Variants in IQGAP1 observed in about 807,000 individuals in gnomAD.
IQGAP1 encodes the protein IQ motif containing GTPase activating protein 1, also known as ras GTPase-activating-like protein IQGAP1.
IQGAP1 carries 66 observed loss-of-function variants against 215.6 expected under a neutral mutation model. That is an observed-to-expected ratio of 0.31 (90% CI 0.25 to 0.38). IQGAP1 has a LOEUF of 0.38. Among genes scored for constraint, IQGAP1 ranks in the 10% least tolerant of loss-of-function variants. IQGAP1 has a pLI of 1.00. For missense variants in IQGAP1, 1,712 were observed against 1,997.1 expected (o/e 0.86, Z 2.72); for synonymous variants, 772 against 728.7 (o/e 1.06, Z -0.96).
chr15:90,416,894 A>G (rs1408037796), intron 2 of IQGAP1, among the ~76,000 whole-genome samples: 1 of 152,002 alleles, frequency 6.6e-6, no homozygotes, highest in East Asian at 1.9e-4. Context: ...TAACTTTTTA[A>G]TGATCACTAT....
At position 90,491,390 on chromosome 15, in the gene IQGAP1, G is replaced by A; in HGVS notation, c.4306G>A (p.Asp1436Asn). Reference sequence around the variant, plus strand: ...TGCTATCCGTGATGCCAAAACACCTGACAAGATGAAAAAGTCAAAATCTGT... The same window carrying A: ...TGCTATCCGTGATGCCAAAACACCTAACAAGATGAAAAAGTCAAAATCTGT... ...RRAIRDAKTP[D>N]KMKKSKSVKE... The change falls in exon 34 of 38, where the codon GAC becomes AAC. Residue 1436 changes from aspartate to asparagine, a missense_variant. Transcript: ENST00000268182. 6.2e-7 allele frequency: 1 copy of A among 1,614,102 alleles called. No homozygotes were observed. Among genetic ancestry groups the A allele is most frequent in the Non-Finnish European group, 8.5e-7 (1 of 1,180,020 alleles).
rs552222380 is a variant in IQGAP1 at position 90,496,306 on chromosome 15, C to CTTTTTTTTTTTTTT, written c.4752-910_4752-897dup. Among the ~76,000 whole-genome samples, 23 of 106,114 alleles carry CTTTTTTTTTTTTTT rather than the reference C, an allele frequency of 2.2e-4. 1 individual carries two copies. Among genetic ancestry groups the CTTTTTTTTTTTTTT allele is most frequent in the African/African-American group, 8.0e-4 (18 of 22,584 alleles). The allele number at this position is 106,114 out of a possible 152,430, so 69.6% of individuals were successfully genotyped here. On this transcript the variant is annotated intron_variant, in intron 36 of 37. Transcript: ENST00000268182. ...GATCATCCAGAGAACAGCATAATCC[C>CTTTTTTTTTTTTTT]TTTTTTTTTTTTTTTTTTTTTTTTT...
In IQGAP1 at chr15:90,460,999, TAAA is replaced by T. The variant is rs36022965; in HGVS notation, c.1776+4706_1776+4708del. On this transcript the variant is annotated intron_variant, in intron 15 of 37. Coordinates refer to ENST00000268182, the MANE Select transcript of IQGAP1 (RefSeq NM_003870.4). ...GAGTGACAAAGCAAGACCCTGTCTT[TAAA>T]AAAAAAAAAAAAAAAAAAAAAGGGC... Among the ~76,000 whole-genome samples the T allele has an allele frequency of 8.7e-3, 768 of 88,716 alleles. 7 individuals carry two copies. Among genetic ancestry groups the T allele is most frequent in the African/African-American group, 0.031 (660 of 21,052 alleles). 58.2% of individuals were successfully genotyped at this position (88,716 alleles called of 152,430 possible). A position where few individuals can be genotyped will look rare whatever the true frequency, so the allele number is the denominator to read the frequency against.
chr15:90,453,038 C>T lies in IQGAP1; in HGVS notation c.1327-94C>T, dbSNP rs1320290217. On this transcript the variant is annotated intron_variant, in intron 12 of 37. Coordinates refer to ENST00000268182, the MANE Select transcript of IQGAP1 (RefSeq NM_003870.4). ...GTTAGGTAGAACTTTTTTGCATAAA[C>T]TTGGTTTTCTTACAGTTTTATTAAA... is the stretch of plus-strand genomic sequence containing the variant. The T allele has an allele frequency of 5.8e-6, 9 of 1,551,288 alleles. No individual in the cohort carries two copies. The African/African-American group carries it at 1.2e-4, about 21-fold the overall frequency.
At chr15:90,412,320 C>G (rs1964978239) in intron 2 of IQGAP1, among the ~76,000 whole-genome samples, 1 of 152,152 alleles carries the variant, frequency 6.6e-6, no homozygotes, top group Non-Finnish European at 1.5e-5. Context: ...GAAAAACAAG[C>G]CTTTTTTGTT....
intron 2 of IQGAP1, among the ~76,000 whole-genome samples, chr15:90,425,273 G>T (rs528006844): frequency 1.3e-5 from 2 of 152,148 alleles, no homozygotes; most frequent in East Asian, 3.9e-4. Flanking sequence ...TCATGCCACT[G>T]CACTCCAGGC....
intron 9 of IQGAP1, among the ~76,000 whole-genome samples, chr15:90,446,514 G>A (rs991014435): frequency 2.6e-5 from 4 of 152,176 alleles, no homozygotes; most frequent in Non-Finnish European, 5.9e-5. Context: ...CAGGTTTTCA[G>A]TGTACATGGA....
chr15:90,436,753 C>CT, intron 5 of IQGAP1, among the ~76,000 whole-genome samples: 1 of 152,224 alleles, frequency 6.6e-6, no homozygotes, highest in Non-Finnish European at 1.5e-5. Flanking sequence ...AAGCTAAGTA[C>CT]TTTTGATTGT....
At position 90,466,300 on chromosome 15, in the gene IQGAP1, A is replaced by C; in HGVS notation, c.1899A>C (p.Ala633=). 1 of 1,614,190 alleles carries C rather than the reference A, an allele frequency of 6.2e-7. No homozygotes were observed. The highest frequency in any genetic ancestry group is 8.5e-7 in the Non-Finnish European group (1 of 1,180,018). ...TAGGAATCTTTGCCATTAATGAGGC[A>C]GTAGAAAGTGGTGATGTTGGCAAAA... ...FALGIFAINE[A]VESGDVGKTL... Residue 633 remains alanine, a synonymous_variant, in exon 17 of 38, where the codon GCA becomes GCC. Transcript: ENST00000268182.
intron 2 of IQGAP1, among the ~76,000 whole-genome samples, chr15:90,397,100 G>A (rs1307722658): frequency 1.3e-5 from 2 of 152,040 alleles, no homozygotes; most frequent in South Asian, 2.1e-4. Flanking sequence ...TGATCCACCC[G>A]CCTCGGCCCC....
At chr15:90,432,214 T>G (rs1965312939) in intron 4 of IQGAP1, among the ~76,000 whole-genome samples, 1 of 152,202 alleles carries the variant, frequency 6.6e-6, no homozygotes, top group Non-Finnish European at 1.5e-5. Context: ...CCAACTGAAC[T>G]TCCCTTCCTC....
intron 3 of IQGAP1, among the ~76,000 whole-genome samples, chr15:90,427,184 C>T (rs1965235382): frequency 6.6e-6 from 1 of 152,016 alleles, no homozygotes; most frequent in South Asian, 2.1e-4. Context: ...ATTGCTTGAG[C>T]CTAGGAGGTT....
intron 4 of IQGAP1, among the ~76,000 whole-genome samples, chr15:90,433,353 G>T (rs1965328900): frequency 6.6e-6 from 1 of 152,116 alleles, no homozygotes; most frequent in African/African-American, 2.4e-5. Flanking sequence ...AGTTCTGAAA[G>T]CCTCATACTC....
chr15:90,414,999 A>G (rs765885614), intron 2 of IQGAP1, among the ~76,000 whole-genome samples: 1 of 152,144 alleles, frequency 6.6e-6, no homozygotes, highest in Non-Finnish European at 1.5e-5. Context: ...CGTTTTATAG[A>G]AGTGTTTGTA....
At chr15:90,475,360 T>C (rs1446343120) in intron 23 of IQGAP1, among the ~76,000 whole-genome samples, 1 of 150,980 alleles carries the variant, frequency 6.6e-6, no homozygotes, top group East Asian at 2.0e-4. Flanking sequence ...CTGGAACTCC[T>C]GGCCTCAAGT....
intron 1 of IQGAP1, among the ~76,000 whole-genome samples, chr15:90,388,949 A>C (rs1756426439): frequency 6.6e-6 from 1 of 152,160 alleles, no homozygotes; most frequent in Non-Finnish European, 1.5e-5. Context: ...TAATAAAGAA[A>C]AAAAAAAGAA....
At chr15:90,466,738 TTGTC>T (rs1965838243) in intron 17 of IQGAP1, among the ~76,000 whole-genome samples, 3 of 152,156 alleles carry the variant, frequency 2.0e-5, no homozygotes, top group South Asian at 4.1e-4. Flanking sequence ...TAAAAGTAGT[TTGTC>T]TGTAAAAAGA....
At chr15:90,461,866 G>A (rs1965766025) in intron 15 of IQGAP1, among the ~76,000 whole-genome samples, 1 of 152,030 alleles carries the variant, frequency 6.6e-6, no homozygotes, top group Admixed American at 6.6e-5. Context: ...TCGGCTGGGT[G>A]CGGTGGCTTA....
intron 2 of IQGAP1, among the ~76,000 whole-genome samples, chr15:90,425,160 A>C (rs561450716): frequency 1.1e-4 from 17 of 152,124 alleles, no homozygotes; most frequent in African/African-American, 4.1e-4. Context: ...AAATACAAAA[A>C]TTAGCTGGGC....
Sources: allele counts gnomAD v4.1 joint callset (sites outside exome capture counted in the v4.1 genomes callset), GRCh38; gene constraint gnomAD v4.1.1; transcripts MANE v1.5; gene names NCBI Gene and HGNC (gene_info 2026-07-23, HGNC 2026-07-21).